The following PDE6H variants were observed in gnomAD, a reference collection of about 807,000 sequenced individuals.
PDE6H encodes the protein retinal cone rhodopsin-sensitive cGMP 3',5'-cyclic phosphodiesterase subunit gamma.
Under a neutral mutation model 9.2 loss-of-function variants are expected in PDE6H, and 11 were observed. That is an observed-to-expected ratio of 1.19 (90% CI 0.75 to 1.97). The LOEUF is 1.97. Ranked by LOEUF, PDE6H falls within the 30% of genes most tolerant of loss-of-function variation. The pLI, the probability that PDE6H is intolerant of heterozygous loss-of-function variation, is 0.00. For missense variants in PDE6H, 98 were observed against 101.5 expected (o/e 0.97, Z 0.15); for synonymous variants, 36 against 33.6 (o/e 1.07, Z -0.25).
intron 1 of PDE6H, among the ~76,000 whole-genome samples, chr12:14,976,867 C>G (rs1266059541): frequency 2.0e-5 from 3 of 152,024 alleles, no homozygotes. Context: ...CTTCCAAGAG[C>G]AAGTTTTGTT....
chr12:14,975,690 C>T (rs1365804682), intron 1 of PDE6H, among the ~76,000 whole-genome samples: 2 of 152,022 alleles, frequency 1.3e-5, no homozygotes, highest in Non-Finnish European at 2.9e-5. Context: ...ATTTAGTGAG[C>T]AGAGGAACTG....
rs1168293774 is a variant in PDE6H at position 14,981,396 on chromosome 12, G to C, written c.176-4G>C. 6.2e-7 allele frequency: 1 copy of C among 1,600,494 alleles called. No homozygotes were observed. The highest frequency in any genetic ancestry group is 1.3e-5 in the African/African-American group (1 of 74,634). On this transcript the variant is annotated splice_region_variant and splice_polypyrimidine_tract_variant and intron_variant, in intron 3 of 3. Transcript: ENST00000266395. ...CTTACGTGCTCTTCTTCCATCTCTT[G>C]CAGATATCACAGTGATTTGTCCATG...
intron 1 of PDE6H, among the ~76,000 whole-genome samples, chr12:14,974,785 G>T (rs1227961431): frequency 6.6e-6 from 1 of 152,238 alleles, no homozygotes; most frequent in African/African-American, 2.4e-5. Flanking sequence ...TTGCCCCTCT[G>T]GTGTATGGCA....
In PDE6H at chr12:14,975,825, GTT is replaced by G. The variant is rs71038649; in HGVS notation, c.-41-2136_-41-2135del. On this transcript the variant is annotated intron_variant, in intron 1 of 3. Coordinates refer to ENST00000266395, the MANE Select transcript of PDE6H (RefSeq NM_006205.3). The stretch of plus-strand genomic sequence containing the variant: ...TCAATTTCTTTTGTTTTTTTTTTTT[GTT>G]TTTTTTTTTTGGAGACGGGGTCTTG... Among the ~76,000 whole-genome samples, 91 of 110,838 alleles carry G rather than the reference GTT, an allele frequency of 8.2e-4. 1 individual carries two copies. Among genetic ancestry groups the G allele is most frequent in the South Asian group, 2.8e-3 (10 of 3,566 alleles). 72.7% of individuals were successfully genotyped at this position (110,838 alleles called of 152,430 possible). A position where few individuals can be genotyped will look rare whatever the true frequency, so the allele number is the denominator to read the frequency against.
Position 14,979,190 on chromosome 12 carries a change from A to T in PDE6H, c.146A>T (p.Asp49Val). ...ATTCTTTTCCATAGATTTGGAGATG[A>T]CATTCCAGGAATGGAGGGGCTAGGA... ...PKKGVKGFGD[D>V]IPGMEGLGTD... is the part of the protein sequence containing the mutation. Residue 49 changes from aspartate (D) to valine (V), a missense_variant, in exon 3 of 4, where the codon GAC (aspartate) becomes GTC (valine). Physicochemically the swap from Asp to Val is radical, Grantham distance 152. Coordinates refer to ENST00000266395, the MANE Select transcript of PDE6H (RefSeq NM_006205.3). 6.2e-7 allele frequency: 1 copy of T among 1,608,580 alleles called. No homozygotes were observed.
In PDE6H at chr12:14,979,795, A is replaced by G. The variant is rs576849195; in HGVS notation, c.175+576A>G. Among the ~76,000 whole-genome samples the G allele has an allele frequency of 1.2e-4, 18 of 152,364 alleles. No individual in the cohort carries two copies. In the South Asian group the frequency reaches 1.9e-3, roughly 16 times the overall value. On this transcript the variant is annotated intron_variant, in intron 3 of 3. Coordinates refer to ENST00000266395, the MANE Select transcript of PDE6H (RefSeq NM_006205.3). ...CATACAATGAATGCAATCACTGCAT[A>G]TTTTTTAAATTAATAGACTTTATTT...
At chr12:14,979,809 TAG>T (rs1312312705) in intron 3 of PDE6H, among the ~76,000 whole-genome samples, 1 of 152,236 alleles carries the variant, frequency 6.6e-6, no homozygotes, top group Non-Finnish European at 1.5e-5. Context: ...TTTAAATTAA[TAG>T]ACTTTATTTC....
intron 3 of PDE6H, among the ~76,000 whole-genome samples, chr12:14,980,519 C>T (rs925901827): frequency 6.6e-6 from 1 of 152,198 alleles, no homozygotes; most frequent in Non-Finnish European, 1.5e-5. Flanking sequence ...AATCAGTGTC[C>T]TTCCCAGGCA....
chr12:14,979,087 T>C, intron 2 of PDE6H, 92 bp from the exon 3 acceptor site: 1 of 815,410 alleles, frequency 1.2e-6, no homozygotes, highest in East Asian at 2.6e-5. Flanking sequence ...CCTCTCCTTC[T>C]TCCCCCTTGA....
chr12:14,977,131 G>A (rs1026732078), intron 1 of PDE6H, among the ~76,000 whole-genome samples: 2 of 152,186 alleles, frequency 1.3e-5, no homozygotes, highest in African/African-American at 4.8e-5. Flanking sequence ...AAGCACAAAC[G>A]TATTACTTAA....
chr12:14,976,925 A>T (rs1320203162), intron 1 of PDE6H, among the ~76,000 whole-genome samples: 4 of 152,248 alleles, frequency 2.6e-5, no homozygotes, highest in Admixed American at 6.5e-5. Flanking sequence ...ATCCAAAATG[A>T]CACATTAATT....
At chr12:14,981,317 GTC>G (rs1864679508) in intron 3 of PDE6H, 81 bp from the exon 4 acceptor site, 1 of 867,504 alleles carries the variant, frequency 1.2e-6, no homozygotes, top group East Asian at 2.4e-5. Flanking sequence ...GGAGTGAAGT[GTC>G]TCTGCCTGAA....
chr12:14,981,538 T>C lies in PDE6H; in HGVS notation c.*62T>C, dbSNP rs375741675. Reference sequence around the variant, plus strand: ...TGTAATTTTGGTTGCTTTTGCCCTGTTGATCTGCCGGAGTCTTGAAATTCA... The same window carrying C: ...TGTAATTTTGGTTGCTTTTGCCCTGCTGATCTGCCGGAGTCTTGAAATTCA... On this transcript the variant is annotated 3_prime_UTR_variant, in exon 4 of 4. Transcript: ENST00000266395. 32 of 1,099,150 alleles carry C rather than the reference T, an allele frequency of 2.9e-5. No individual in the cohort carries two copies. The highest frequency in any genetic ancestry group is 3.9e-4 in the Middle Eastern group (2 of 5,078). The allele number at this position is 1,099,150 out of a possible 1,614,324, so 68.1% of individuals were successfully genotyped here.
At chr12:14,976,615 G>A (rs1438144988) in intron 1 of PDE6H, among the ~76,000 whole-genome samples, 2 of 152,126 alleles carry the variant, frequency 1.3e-5, no homozygotes, top group Non-Finnish European at 2.9e-5. Flanking sequence ...CTTGAGCCCA[G>A]GAGTTTGAGG....
chr12:14,978,058 C>G lies in PDE6H; in HGVS notation c.46C>G (p.Pro16Ala). ...TLPAPASNQG[P>A]TTPRKGPPKF... ...GCCTGCTCCAGCTTCAAACCAGGGT[C>G]CTACCACCCCACGCAAAGGCCCTCC... is the stretch of plus-strand genomic sequence containing the variant. The change falls in exon 2 of 4, where the codon CCT (proline) becomes GCT (alanine). Residue 16 changes from proline (P) to alanine (A), a missense_variant. By Grantham distance (27) the Pro-to-Ala change is conservative (BLOSUM62 -1). Transcript: ENST00000266395. 3.1e-6 allele frequency: 5 copies of G among 1,613,602 alleles called. No individual in the cohort carries two copies. The highest frequency in any genetic ancestry group is 4.2e-6 in the Non-Finnish European group (5 of 1,179,904).
chr12:14,974,626 G>A (rs924327033), intron 1 of PDE6H, among the ~76,000 whole-genome samples: 5 of 152,248 alleles, frequency 3.3e-5, no homozygotes, highest in Admixed American at 2.6e-4. Flanking sequence ...TGGATGTCAC[G>A]TGTGATTTTT....
intron 1 of PDE6H, among the ~76,000 whole-genome samples, chr12:14,976,720 T>C (rs1460421558): frequency 6.6e-6 from 1 of 151,934 alleles, no homozygotes; most frequent in Non-Finnish European, 1.5e-5. Context: ...AAAAAGAATA[T>C]TAGCATAAAT....
chr12:14,977,963 CT>C lies in PDE6H; in HGVS notation c.-41-8del, dbSNP rs1234917115. The C allele has an allele frequency of 6.3e-7, 1 of 1,578,476 alleles. No individual in the cohort carries two copies. The highest frequency in any genetic ancestry group is 8.7e-7 in the Non-Finnish European group (1 of 1,152,968). On this transcript the variant is annotated splice_region_variant and splice_polypyrimidine_tract_variant and intron_variant, in intron 1 of 3. Transcript: ENST00000266395. ...AAGATCTTCTTTTTTTTATCTTTCACTGTCTAAGGAGGCTGAAAGGGAAACA... is the reference window on the plus strand; with the variant it reads ...AAGATCTTCTTTTTTTTATCTTTCACGTCTAAGGAGGCTGAAAGGGAAACA...
intron 1 of PDE6H, among the ~76,000 whole-genome samples, chr12:14,976,147 C>T (rs1864592276): frequency 6.6e-6 from 1 of 152,110 alleles, no homozygotes; most frequent in Admixed American, 6.6e-5. Flanking sequence ...AATTTATTAA[C>T]TCATTTGACA....
Sources: allele counts gnomAD v4.1 joint callset (sites outside exome capture counted in the v4.1 genomes callset), GRCh38; gene constraint gnomAD v4.1.1; transcripts MANE v1.5; gene names NCBI Gene and HGNC (gene_info 2026-07-23, HGNC 2026-07-21).